The following COBL variants were observed in gnomAD, a reference collection of about 807,000 sequenced individuals.
The protein encoded by COBL is protein cordon-bleu.
Under a neutral mutation model 98.8 loss-of-function variants are expected in COBL, and 51 were observed. The ratio of observed to expected loss-of-function variants is 0.52; its 90% CI spans 0.41 to 0.65. The LOEUF (loss-of-function observed/expected upper bound fraction) is 0.65. Among genes scored for constraint, COBL ranks in the 30% least tolerant of loss-of-function variants. The probability of loss-of-function intolerance (pLI) is 0.00; values close to 1 mark genes in which losing one functional copy is unlikely to be tolerated. For synonymous variants in COBL, 634 were observed against 651.7 expected (o/e 0.97, Z 0.41); for missense variants, 1,617 against 1,617.5 (o/e 1.00, Z 0.01).
At chr7:51,139,423 T>C (rs1799534112) in intron 5 of COBL, among the ~76,000 whole-genome samples, 4 of 152,216 alleles carry the variant, frequency 2.6e-5, no homozygotes, top group African/African-American at 9.6e-5. Flanking sequence ...CTTCAGACAA[T>C]GGGCTCCTCA....
At chr7:51,206,769 C>T (rs1481874485) in intron 2 of COBL, among the ~76,000 whole-genome samples, 3 of 152,160 alleles carry the variant, frequency 2.0e-5, no homozygotes, top group African/African-American at 7.2e-5. Context: ...AAAAGCCAGA[C>T]AGAAAGACAA....
intron 7 of COBL, chr7:51,071,328 T>G (rs928174051): frequency 1.3e-5 from 2 of 152,226 alleles, no homozygotes; most frequent in African/African-American, 4.8e-5. Context: ...CTTAGAAGGC[T>G]CTAATGTCAG....
chr7:51,030,770 C>T, intron 9 of COBL, 42 bp downstream of exon 9: 1 of 1,297,496 alleles, frequency 7.7e-7, no homozygotes, highest in Non-Finnish European at 1.1e-6. Flanking sequence ...CACCTACTTT[C>T]ATGCAGCATA....
chr7:51,237,786 T>G (rs1357432376), intron 1 of COBL, among the ~76,000 whole-genome samples: 1 of 152,178 alleles, frequency 6.6e-6, no homozygotes, highest in East Asian at 1.9e-4. Context: ...AAACGTGTAT[T>G]AGAATAGACC....
At chr7:51,113,682 T>A (rs1437710260) in intron 6 of COBL, among the ~76,000 whole-genome samples, 1 of 152,218 alleles carries the variant, frequency 6.6e-6, no homozygotes, top group African/African-American at 2.4e-5. Flanking sequence ...TTTAAAGAAA[T>A]CAGTCCTTTT....
chr7:51,149,774 T>C (rs1785386606), intron 5 of COBL, among the ~76,000 whole-genome samples: 1 of 152,080 alleles, frequency 6.6e-6, no homozygotes, highest in Admixed American at 6.5e-5. Context: ...CCTGGCTAAT[T>C]ATTGTATTCT....
chr7:51,258,119 A>T (rs1234448232), intron 1 of COBL, among the ~76,000 whole-genome samples: 1 of 152,246 alleles, frequency 6.6e-6, no homozygotes, highest in Non-Finnish European at 1.5e-5. Context: ...TTAATTAGTG[A>T]AGACAGTTAT....
intron 7 of COBL, among the ~76,000 whole-genome samples, chr7:51,057,423 G>T (rs561591915): frequency 6.6e-6 from 1 of 152,166 alleles, no homozygotes; most frequent in South Asian, 2.1e-4. Flanking sequence ...ATAAGCAGGG[G>T]ACTACTATAC....
Position 51,108,846 on chromosome 7 carries a change from CCTT to C in COBL, c.958-23545_958-23543del, listed in dbSNP as rs113281149. ...GCTCTTGTATAGCTCTCCAGTACCT[CCTT>C]ATCAAAGACACCTGCCTACTTCTCC... On this transcript the variant is annotated intron_variant, in intron 6 of 12. Coordinates refer to ENST00000265136, the MANE Select transcript of COBL (RefSeq NM_015198.5). 1.1e-3 allele frequency among the ~76,000 whole-genome samples: 164 copies of C among 152,098 alleles called. No individual in the cohort carries two copies. In the Middle Eastern group the frequency reaches 0.021, roughly 19 times the overall value.
At chr7:51,230,729 C>T (rs1794663897) in intron 1 of COBL, among the ~76,000 whole-genome samples, 1 of 152,212 alleles carries the variant, frequency 6.6e-6, no homozygotes. Flanking sequence ...CTGGGTGAAG[C>T]CCAAACTCCT....
chr7:51,113,342 T>A (rs1467873687), intron 6 of COBL, among the ~76,000 whole-genome samples: 1 of 152,248 alleles, frequency 6.6e-6, no homozygotes. Context: ...TAGAACTGTA[T>A]AATGAAAAGT....
At chr7:51,205,385 G>T (rs1563035076) in intron 2 of COBL, among the ~76,000 whole-genome samples, 1 of 152,038 alleles carries the variant, frequency 6.6e-6, no homozygotes, top group Admixed American at 6.6e-5. Context: ...GCAGATCTTT[G>T]CCAAGGATGC....
At chr7:51,243,886 G>A (rs115425853) in intron 1 of COBL, among the ~76,000 whole-genome samples, 2,098 of 152,262 alleles carry the variant, frequency 0.014, 62 homozygotes, top group African/African-American at 0.048. Context: ...CCTCTTCTTG[G>A]TTTTGGTATT....
At chr7:51,083,356 C>G in intron 7 of COBL, 1 of 639,294 alleles carries the variant, frequency 1.6e-6, no homozygotes, top group Non-Finnish European at 2.6e-6. Context: ...ACACCTAACA[C>G]CAGATCCAGT....
intron 1 of COBL, among the ~76,000 whole-genome samples, chr7:51,249,973 T>C (rs1437291865): frequency 6.6e-6 from 1 of 151,962 alleles, no homozygotes; most frequent in Non-Finnish European, 1.5e-5. Flanking sequence ...GTGGTGGCGC[T>C]TGCTTGTAAT....
In COBL at chr7:51,029,532, A is replaced by T; in HGVS notation, c.1564T>A (p.Ser522Thr). The T allele has an allele frequency of 6.2e-7, 1 of 1,613,776 alleles. No individual in the cohort carries two copies. The highest frequency in any genetic ancestry group is 1.1e-5 in the South Asian group (1 of 91,040). ...ATGGCATCCTGTGGGCAGTGGTTGG[A>T]TGCACCATGGATGGAGCTGGTGAGG... ...SSLTSSIHGA[S>T]NHCPQDAMIP... Residue 522 changes from serine (S) to threonine (T), a missense_variant, in exon 10 of 13, where the codon TCC becomes ACC. This residue lies in a region of COBL where 1,304 missense variants were observed against 1,282.0 expected (regional missense o/e 1.02). Coordinates refer to ENST00000265136, the MANE Select transcript of COBL (RefSeq NM_015198.5).
chr7:51,069,153 C>A (rs1459180835), intron 7 of COBL, among the ~76,000 whole-genome samples: 1 of 152,068 alleles, frequency 6.6e-6, no homozygotes, highest in Non-Finnish European at 1.5e-5. Flanking sequence ...GGTGCAGATT[C>A]GGGGTTTGCC....
At chr7:51,070,392 A>AACACACACAC (rs369051694) in intron 7 of COBL, among the ~76,000 whole-genome samples, 7,845 of 138,970 alleles carry the variant, frequency 0.056, 355 homozygotes, top group East Asian at 0.23. Context: ...AAACAGTTAA[A>AACACACACAC]ACACACACAC....
At chr7:51,277,661 T>C (rs1006102862) in intron 1 of COBL, among the ~76,000 whole-genome samples, 1 of 152,054 alleles carries the variant, frequency 6.6e-6, no homozygotes, top group African/African-American at 2.4e-5. Flanking sequence ...GACGGGCTGC[T>C]AGAGAGATAC....
Sources: allele counts gnomAD v4.1 joint callset (sites outside exome capture counted in the v4.1 genomes callset), GRCh38; gene constraint gnomAD v4.1.1; regional missense constraint gnomAD v4.1.1; transcripts MANE v1.5; gene names NCBI Gene and HGNC (gene_info 2026-07-23, HGNC 2026-07-21).